Variants in GALNT6 observed in about 807,000 individuals in gnomAD.
The protein encoded by GALNT6 is polypeptide N-acetylgalactosaminyltransferase 6, also known as GalNAc transferase 6.
A neutral mutation model predicts 65.9 loss-of-function variants in GALNT6; 51 were observed. The observed-to-expected ratio is 0.77, with a 90% confidence interval of 0.62 to 0.98. GALNT6 has a LOEUF of 0.98. Ranked by LOEUF, GALNT6 falls within the 50% of genes least tolerant of loss-of-function variation. The probability of loss-of-function intolerance (pLI) is 0.00; values close to 1 mark genes in which losing one functional copy is unlikely to be tolerated. For synonymous variants in GALNT6, 323 were observed against 315.1 expected (o/e 1.02, Z -0.26); for missense variants, 708 against 803.3 (o/e 0.88, Z 1.43).
chr12:51,379,562 T>G lies in GALNT6; in HGVS notation c.220A>C (p.Arg74=). 1 of 1,614,162 alleles carries G rather than the reference T, an allele frequency of 6.2e-7. No homozygotes were observed. Among genetic ancestry groups the G allele is most frequent in the Non-Finnish European group, 8.5e-7 (1 of 1,179,984 alleles). Residue 74 remains arginine (R), a synonymous_variant, in exon 3 of 12, where the codon AGG becomes CGG. Coordinates refer to ENST00000356317, the MANE Select transcript of GALNT6 (RefSeq NM_007210.4). ...LRDSMPKLQI[R]APEAQQTLFS... is the part of the protein sequence containing the mutation. The stretch of plus-strand genomic sequence containing the variant: ...AGAGTCTGCTGGGCTTCTGGAGCCC[T>G]GATTTGGAGCTTGGGCATTGAATCT...
intron 2 of GALNT6, among the ~76,000 whole-genome samples, chr12:51,383,976 C>T (rs1035323190): frequency 3.9e-5 from 6 of 152,176 alleles, no homozygotes; most frequent in East Asian, 1.9e-4. Flanking sequence ...CAAAGCTTCA[C>T]GAGATCCGCC....
rs1185505057 is a variant in GALNT6 at position 51,385,835 on chromosome 12, CT to C, written c.-104+5014del. 1.5e-3 allele frequency among the ~76,000 whole-genome samples: 229 copies of C among 148,818 alleles called. 1 individual carries two copies. The highest frequency in any genetic ancestry group is 5.7e-3 in the South Asian group (27 of 4,710). On this transcript the variant is annotated intron_variant, in intron 2 of 11. Coordinates refer to ENST00000356317, the MANE Select transcript of GALNT6 (RefSeq NM_007210.4). ...TTACATATAGCAGGTGTTCCATAAACTTTTTTTTTTTCTCTTGGAGACAGGG... is the reference window on the plus strand; with the variant it reads ...TTACATATAGCAGGTGTTCCATAAACTTTTTTTTTTCTCTTGGAGACAGGG...
chr12:51,359,319 C>G lies in GALNT6; in HGVS notation c.1181G>C (p.Gly394Ala). 1.2e-6 allele frequency: 2 copies of G among 1,610,162 alleles called. No homozygotes were observed. The highest frequency in any genetic ancestry group is 1.7e-6 in the Non-Finnish European group (2 of 1,177,962). ...VEMSFRVWQC[G>A]GQLEIIPCSV... ...GCAGGGGATGATCTCCAGCTGGCCC[C>G]CACACTGCCACACCTGATGTAAGAG... is the stretch of plus-strand genomic sequence containing the variant. Residue 394 changes from glycine (G) to alanine (A), a missense_variant, in exon 8 of 12, where the codon GGG becomes GCG. Transcript: ENST00000356317.
chr12:51,359,942 T>G (rs1946868413), intron 7 of GALNT6: 1 of 152,194 alleles, frequency 6.6e-6, no homozygotes, highest in South Asian at 2.1e-4. Context: ...TCTTTTGGGT[T>G]TTAGGTGGGA....
chr12:51,351,662 C>T lies in GALNT6; in HGVS notation c.*2717G>A, dbSNP rs758950949. The T allele has an allele frequency of 5.3e-5, 8 of 152,262 alleles. No individual in the cohort carries two copies. The highest frequency in any genetic ancestry group is 1.9e-4 in the East Asian group (1 of 5,202). The allele number at this position is 152,262 out of a possible 1,614,324, so 9.4% of individuals were successfully genotyped here. On this transcript the variant is annotated 3_prime_UTR_variant, in exon 12 of 12. Transcript: ENST00000356317. ...CTTGCTATGATTTGCTTACATTTAG[C>T]GTGTGAGTTCCACGGGGACAGGACC...
intron 2 of GALNT6, among the ~76,000 whole-genome samples, chr12:51,385,970 G>A (rs1224340536): frequency 2.0e-5 from 3 of 152,142 alleles, no homozygotes; most frequent in African/African-American, 7.2e-5. Context: ...GAGTAGCTGG[G>A]AATACAGAGG....
chr12:51,373,404 G>A (rs1947351337), intron 4 of GALNT6, among the ~76,000 whole-genome samples: 1 of 152,182 alleles, frequency 6.6e-6, no homozygotes, highest in Non-Finnish European at 1.5e-5. Context: ...TTTTATGAGG[G>A]GCTTCCCCTT....
At position 51,354,297 on chromosome 12, in the gene GALNT6, A is replaced by G; in HGVS notation, c.*82T>C. On this transcript the variant is annotated 3_prime_UTR_variant, in exon 12 of 12. Coordinates refer to ENST00000356317, the MANE Select transcript of GALNT6 (RefSeq NM_007210.4). ...AATCCATCTTTACGGCCTCCAGAGA[A>G]GCTGGTGATCAGGTTCCCAGACATC... The G allele has an allele frequency of 4.0e-6, 3 of 751,672 alleles. No homozygotes were observed. The highest frequency in any genetic ancestry group is 6.4e-6 in the Non-Finnish European group (3 of 468,780). 46.6% of individuals were successfully genotyped at this position (751,672 alleles called of 1,614,324 possible). A position where few individuals can be genotyped will look rare whatever the true frequency, so the allele number is the denominator to read the frequency against.
Position 51,351,257 on chromosome 12 carries a change from T to G in GALNT6, c.*3122A>C, listed in dbSNP as rs533139433. The G allele has an allele frequency of 6.6e-6, 1 of 152,368 alleles. No individual in the cohort carries two copies. Among genetic ancestry groups the G allele is most frequent in the African/African-American group, 2.4e-5 (1 of 41,586 alleles). 9.4% of individuals were successfully genotyped at this position (152,368 alleles called of 1,614,324 possible). ...ATAAAGTAAATCCAATCAGCCTGGATTACATTCATCTTTATACCAACATAG... is the reference window on the plus strand; with the variant it reads ...ATAAAGTAAATCCAATCAGCCTGGAGTACATTCATCTTTATACCAACATAG... On this transcript the variant is annotated 3_prime_UTR_variant, in exon 12 of 12. Coordinates refer to ENST00000356317, the MANE Select transcript of GALNT6 (RefSeq NM_007210.4).
intron 6 of GALNT6, among the ~76,000 whole-genome samples, chr12:51,362,236 G>A (rs144442350): frequency 2.6e-3 from 395 of 152,308 alleles, no homozygotes; most frequent in Non-Finnish European, 4.6e-3. Flanking sequence ...AGACCGAGAA[G>A]TCACTGATGG....
intron 4 of GALNT6, among the ~76,000 whole-genome samples, chr12:51,376,064 C>A (rs1947443047): frequency 6.6e-6 from 1 of 151,896 alleles, no homozygotes; most frequent in African/African-American, 2.4e-5. Context: ...GGGGTTTCAC[C>A]ATGTTGGCCA....
intron 10 of GALNT6, among the ~76,000 whole-genome samples, chr12:51,356,978 TG>T (rs568139854): frequency 4.5e-4 from 69 of 152,188 alleles, no homozygotes; most frequent in African/African-American, 1.6e-3. Flanking sequence ...CACTGGAAGG[TG>T]GTAGGATCAG....
intron 2 of GALNT6, among the ~76,000 whole-genome samples, chr12:51,384,248 C>T (rs770768876): frequency 1.4e-4 from 21 of 152,214 alleles, no homozygotes; most frequent in African/African-American, 2.9e-4. Flanking sequence ...CTGGCCCCAC[C>T]GGCCAGAACA....
At chr12:51,354,568 G>A in intron 11 of GALNT6, 76 bp from the exon 12 acceptor site, 1 of 866,820 alleles carries the variant, frequency 1.2e-6, no homozygotes, top group African/African-American at 1.8e-5. Context: ...ATGCGATGGG[G>A]TGCAATTGAC....
At chr12:51,376,574 GGT>G in intron 4 of GALNT6, among the ~76,000 whole-genome samples, 1 of 149,892 alleles carries the variant, frequency 6.7e-6, no homozygotes, top group Admixed American at 6.7e-5. Flanking sequence ...CGGAGGTTGT[GGT>G]GAGCTGAGAT....
At chr12:51,373,793 C>T (rs1484022871) in intron 4 of GALNT6, among the ~76,000 whole-genome samples, 1 of 152,184 alleles carries the variant, frequency 6.6e-6, no homozygotes, top group Non-Finnish European at 1.5e-5. Context: ...TTCCAGAAGC[C>T]TAATCTATAC....
At chr12:51,370,267 G>A (rs1463397048) in intron 4 of GALNT6, among the ~76,000 whole-genome samples, 3 of 152,224 alleles carry the variant, frequency 2.0e-5, no homozygotes, top group Non-Finnish European at 4.4e-5. Flanking sequence ...ATTCTGGGCC[G>A]GGTTTGGTGG....
At chr12:51,381,332 G>A (rs886475861) in intron 2 of GALNT6, among the ~76,000 whole-genome samples, 3 of 152,194 alleles carry the variant, frequency 2.0e-5, no homozygotes, top group African/African-American at 7.2e-5. Context: ...GACATTCCCG[G>A]CAGGGCTGGG....
At chr12:51,375,181 A>G (rs1947411553) in intron 4 of GALNT6, among the ~76,000 whole-genome samples, 1 of 151,954 alleles carries the variant, frequency 6.6e-6, no homozygotes, top group Non-Finnish European at 1.5e-5. Flanking sequence ...TGGCCAATTT[A>G]ACATCTTTTA....
Sources: gnomAD v4.1 joint callset for allele counts (sites outside exome capture counted in the v4.1 genomes callset) on GRCh38, gnomAD v4.1.1 for gene constraint, MANE v1.5 for transcripts, NCBI Gene and HGNC (gene_info 2026-07-23, HGNC 2026-07-21) for gene names.